The following FMN1 variants were observed in gnomAD, a reference collection of about 807,000 sequenced individuals.
The protein encoded by FMN1 is formin 1.
Under a neutral mutation model 132.4 loss-of-function variants are expected in FMN1, and 110 were observed. The observed-to-expected ratio is 0.83, with a 90% CI of 0.71 to 0.97. The LOEUF (loss-of-function observed/expected upper bound fraction) is 0.97, where lower values mean the gene tolerates loss of function less well. Among genes scored for constraint, FMN1 ranks in the 50% least tolerant of loss-of-function variants. The pLI is 0.00. For missense variants in FMN1, 1,792 were observed against 1,705.3 expected, an observed-to-expected ratio of 1.05 and a Z score of -0.90; for synonymous variants, 722 against 651.7, an observed-to-expected ratio of 1.11 and a Z score of -1.64.
intron 15 of FMN1, among the ~76,000 whole-genome samples, chr15:32,896,721 A>G (rs558015620): frequency 1.3e-5 from 2 of 152,304 alleles, no homozygotes; most frequent in East Asian, 3.9e-4. Context: ...GGCTGACCCC[A>G]TGTTGCAGCA....
intron 6 of FMN1, among the ~76,000 whole-genome samples, chr15:33,021,092 T>G (rs949787972): frequency 6.6e-6 from 1 of 152,206 alleles, no homozygotes; most frequent in East Asian, 1.9e-4. Flanking sequence ...ACTCCTGCTA[T>G]TTCATGTAAT....
intron 18 of FMN1, among the ~76,000 whole-genome samples, chr15:32,800,994 A>G (rs533486195): frequency 1.3e-5 from 2 of 152,284 alleles, no homozygotes; most frequent in South Asian, 4.1e-4. Flanking sequence ...CATTTCTAGT[A>G]TTTAGAGGGA....
intron 9 of FMN1, among the ~76,000 whole-genome samples, chr15:32,953,998 T>C (rs1036407834): frequency 6.6e-6 from 1 of 152,182 alleles, no homozygotes; most frequent in African/African-American, 2.4e-5. Flanking sequence ...CTGGAAAGCA[T>C]ATTTGCAAAT....
intron 9 of FMN1, among the ~76,000 whole-genome samples, chr15:32,946,941 T>C (rs1453443571): frequency 1.3e-5 from 2 of 152,220 alleles, no homozygotes; most frequent in Non-Finnish European, 2.9e-5. Flanking sequence ...ACAAACATTT[T>C]GGATAACAAT....
chr15:32,811,032 TC>T (rs2057858837), intron 17 of FMN1: 1 of 456,370 alleles, frequency 2.2e-6, no homozygotes. Flanking sequence ...TCTTAGAAAA[TC>T]CCCGTTGTGC....
At chr15:33,122,713 T>C (rs1345558396) in intron 4 of FMN1, among the ~76,000 whole-genome samples, 2 of 152,204 alleles carry the variant, frequency 1.3e-5, no homozygotes, top group African/African-American at 4.8e-5. Context: ...CCTATCCTAC[T>C]CCAGGTTTGC....
intron 3 of FMN1, among the ~76,000 whole-genome samples, chr15:33,178,581 C>G (rs1965594693): frequency 6.6e-6 from 1 of 152,192 alleles, no homozygotes; most frequent in Non-Finnish European, 1.5e-5. Context: ...CTCCTTAACC[C>G]CTAGCACAGC....
intron 7 of FMN1, among the ~76,000 whole-genome samples, chr15:32,993,531 TAAGAG>T (rs1022265254): frequency 7.3e-5 from 11 of 151,450 alleles, no homozygotes; most frequent in East Asian, 5.8e-4. Flanking sequence ...CAAATTAAGA[TAAGAG>T]AAGTGTATCC....
At chr15:32,824,283 A>G (rs1250039613) in intron 17 of FMN1, among the ~76,000 whole-genome samples, 1 of 152,246 alleles carries the variant, frequency 6.6e-6, no homozygotes, top group Admixed American at 6.5e-5. Flanking sequence ...GTGGAGCCCA[A>G]CACTGGTTTT....
intron 19 of FMN1, among the ~76,000 whole-genome samples, chr15:32,782,845 T>C (rs1331712097): frequency 2.0e-5 from 3 of 152,174 alleles, no homozygotes; most frequent in African/African-American, 7.2e-5. Flanking sequence ...ATCACGTCCA[T>C]TGCAGCAACA....
intron 7 of FMN1, among the ~76,000 whole-genome samples, chr15:33,003,562 G>A (rs1299376401): frequency 1.3e-5 from 2 of 152,192 alleles, no homozygotes; most frequent in African/African-American, 4.8e-5. Context: ...CAAACAAATG[G>A]AAGAACATTC....
chr15:33,013,627 G>A (rs1006901638), intron 6 of FMN1, among the ~76,000 whole-genome samples: 2 of 152,098 alleles, frequency 1.3e-5, no homozygotes, highest in African/African-American at 2.4e-5. Context: ...TTTGAAAACT[G>A]GTTACATTCG....
At chr15:32,819,115 A>C (rs992550388) in intron 17 of FMN1, among the ~76,000 whole-genome samples, 11 of 152,148 alleles carry the variant, frequency 7.2e-5, no homozygotes, top group Non-Finnish European at 1.5e-4. Context: ...GCTGAAGAAG[A>C]ACCCCACATG....
chr15:32,905,852 G>C (rs1394401025), intron 12 of FMN1, among the ~76,000 whole-genome samples: 2 of 151,902 alleles, frequency 1.3e-5, no homozygotes, highest in Admixed American at 1.3e-4. Flanking sequence ...GTTTGTGCAG[G>C]AGGTTGGTAG....
intron 9 of FMN1, among the ~76,000 whole-genome samples, chr15:32,954,945 T>C (rs2061731589): frequency 6.6e-6 from 1 of 152,038 alleles, no homozygotes; most frequent in Admixed American, 6.5e-5. Context: ...GAGGTGGAGG[T>C]TGCAGTGACT....
At chr15:33,062,929 C>G (rs529963048) in intron 6 of FMN1, 1 of 152,298 alleles carries the variant, frequency 6.6e-6, no homozygotes, top group Non-Finnish European at 1.5e-5. Context: ...TTTCTATGAA[C>G]TGATTATACT....
intron 2 of FMN1, among the ~76,000 whole-genome samples, chr15:33,193,279 G>GGTTA (rs1966142119): frequency 6.6e-6 from 1 of 152,082 alleles, no homozygotes; most frequent in Non-Finnish European, 1.5e-5. Context: ...CCCAAAAAAG[G>GGTTA]GTTAATAAGT....
intron 3 of FMN1, among the ~76,000 whole-genome samples, chr15:33,161,843 G>A (rs1244955892): frequency 6.6e-6 from 1 of 151,888 alleles, no homozygotes; most frequent in African/African-American, 2.4e-5. Flanking sequence ...GCGTGAACCC[G>A]GGAGGTGGAG....
intron 5 of FMN1, among the ~76,000 whole-genome samples, chr15:33,078,447 A>G (rs564229756): frequency 1.6e-4 from 24 of 152,336 alleles, no homozygotes; most frequent in African/African-American, 5.8e-4. Context: ...AATACTTTAA[A>G]AAGCCTCATG....
Sources: allele counts gnomAD v4.1 joint callset (sites outside exome capture counted in the v4.1 genomes callset), GRCh38; gene constraint gnomAD v4.1.1; transcripts MANE v1.5; gene names NCBI Gene and HGNC (gene_info 2026-07-23, HGNC 2026-07-21).